The following FSTL4 variants were observed in gnomAD, a reference collection of about 807,000 sequenced individuals.
FSTL4 encodes the protein follistatin-related protein 4.
Under a neutral mutation model 78.2 loss-of-function variants are expected in FSTL4, and 28 were observed. The observed-to-expected ratio is 0.36, with a 90% confidence interval of 0.27 to 0.49. FSTL4 has a LOEUF of 0.49. Among genes scored for constraint, FSTL4 ranks in the 20% least tolerant of loss-of-function variants. The pLI, the probability that FSTL4 is intolerant of heterozygous loss-of-function variation, is 0.98. For synonymous variants in FSTL4, 422 were observed against 440.5 expected (o/e 0.96, Z 0.53); for missense variants, 922 against 1,084.9 (o/e 0.85, Z 2.11).
chr5:133,437,982 A>G (rs113674106), intron 3 of FSTL4, among the ~76,000 whole-genome samples: 3 of 152,184 alleles, frequency 2.0e-5, no homozygotes, highest in Non-Finnish European at 4.4e-5. Context: ...TGGAATTTAT[A>G]GCTACTGAAT....
chr5:133,428,716 A>G (rs1756878272), intron 3 of FSTL4, among the ~76,000 whole-genome samples: 1 of 152,196 alleles, frequency 6.6e-6, no homozygotes, highest in Admixed American at 6.5e-5. Context: ...TCGACTCCAG[A>G]TATTGAGGGC....
At chr5:133,398,973 T>C (rs1368599842) in intron 4 of FSTL4, among the ~76,000 whole-genome samples, 9 of 152,236 alleles carry the variant, frequency 5.9e-5, no homozygotes. Flanking sequence ...AGCCCTGATC[T>C]GCTCAAGGCT....
At chr5:133,528,468 G>A (rs1338047905) in intron 3 of FSTL4, among the ~76,000 whole-genome samples, 1 of 152,056 alleles carries the variant, frequency 6.6e-6, no homozygotes, top group Non-Finnish European at 1.5e-5. Context: ...CCTTGGGAAG[G>A]ATGTCCTGAC....
chr5:133,240,997 G>A (rs868165002), intron 7 of FSTL4, among the ~76,000 whole-genome samples: 2 of 152,144 alleles, frequency 1.3e-5, no homozygotes, highest in African/African-American at 4.8e-5. Flanking sequence ...GGCTGGGGAC[G>A]AGAGGGCAGC....
intron 15 of FSTL4, among the ~76,000 whole-genome samples, chr5:133,200,346 A>G (rs720622): frequency 0.75 from 114,389 of 152,282 alleles, 43,289 homozygotes; most frequent in African/African-American, 0.83. Context: ...GGAAACATGT[A>G]GGGGCAGTCT....
chr5:133,635,653 T>C, the FSTL4 span, among the ~76,000 whole-genome samples: 2 of 152,062 alleles, frequency 1.3e-5, no homozygotes, highest in African/African-American at 4.8e-5. Context: ...ATCCCAGCTA[T>C]TTGGGAGGCT....
the FSTL4 span, among the ~76,000 whole-genome samples, chr5:133,812,490 G>A: frequency 6.6e-6 from 1 of 152,140 alleles, no homozygotes; most frequent in Non-Finnish European, 1.5e-5. Context: ...GAAGCCTTAG[G>A]GCCTTTGCAC....
intron 3 of FSTL4, among the ~76,000 whole-genome samples, chr5:133,518,648 G>A (rs1444721944): frequency 6.6e-6 from 1 of 152,092 alleles, no homozygotes; most frequent in Non-Finnish European, 1.5e-5. Flanking sequence ...CTATGTTAAG[G>A]ACAAAATTAG....
chr5:133,600,874 G>T (rs1390039519), intron 2 of FSTL4, among the ~76,000 whole-genome samples: 2 of 152,164 alleles, frequency 1.3e-5, no homozygotes, highest in Non-Finnish European at 2.9e-5. Flanking sequence ...TCCTGAAAAA[G>T]GTTTTTCACT....
chr5:133,617,342 A>G (rs1183560591), upstream of FSTL4, among the ~76,000 whole-genome samples: 1 of 151,154 alleles, frequency 6.6e-6, no homozygotes, highest in East Asian at 1.9e-4. Flanking sequence ...GAGGCACCAA[A>G]TGATAGCGAG....
intron 4 of FSTL4, among the ~76,000 whole-genome samples, chr5:133,362,854 T>C (rs1195269697): frequency 6.6e-6 from 1 of 152,278 alleles, no homozygotes; most frequent in African/African-American, 2.4e-5. Flanking sequence ...TTTTAACTCA[T>C]CAATTACTAT....
chr5:133,770,686 A>C, the FSTL4 span, among the ~76,000 whole-genome samples: 1 of 151,924 alleles, frequency 6.6e-6, no homozygotes, highest in Non-Finnish European at 1.5e-5. Flanking sequence ...TACTCTGTTG[A>C]TTGTTTCTTC....
the FSTL4 span, among the ~76,000 whole-genome samples, chr5:133,640,622 T>C: frequency 1.3e-4 from 20 of 152,146 alleles, no homozygotes; most frequent in South Asian, 2.1e-4. Context: ...TGTAGTCTTT[T>C]TTGATTTGTT....
chr5:133,770,168 C>T, the FSTL4 span, among the ~76,000 whole-genome samples: 3 of 152,014 alleles, frequency 2.0e-5, no homozygotes, highest in Non-Finnish European at 4.4e-5. Context: ...CATATCTTTC[C>T]TATTGTGAAT....
At chr5:133,390,354 A>G (rs1450287433) in intron 4 of FSTL4, among the ~76,000 whole-genome samples, 1 of 152,266 alleles carries the variant, frequency 6.6e-6, no homozygotes, top group Non-Finnish European at 1.5e-5. Flanking sequence ...AGAAATGAGC[A>G]CAACAAGAAG....
chr5:133,704,282 G>T, the FSTL4 span, among the ~76,000 whole-genome samples: 1 of 152,324 alleles, frequency 6.6e-6, no homozygotes, highest in African/African-American at 2.4e-5. Context: ...CTAAGAAATT[G>T]TTTTAACAAA....
chr5:133,661,056 G>A, the FSTL4 span, among the ~76,000 whole-genome samples: 2 of 152,136 alleles, frequency 1.3e-5, no homozygotes, highest in Non-Finnish European at 2.9e-5. Flanking sequence ...AATGGCACGA[G>A]CTCAGCTCAT....
chr5:133,543,593 A>G (rs951153885), intron 3 of FSTL4, among the ~76,000 whole-genome samples: 1 of 152,026 alleles, frequency 6.6e-6, no homozygotes, highest in African/African-American at 2.4e-5. Context: ...GTTTCACTTT[A>G]TTATACCTAT....
chr5:133,695,190 T>C, the FSTL4 span, among the ~76,000 whole-genome samples: 1 of 152,272 alleles, frequency 6.6e-6, no homozygotes, highest in Non-Finnish European at 1.5e-5. Flanking sequence ...TCATCATCAA[T>C]GCCATCATAG....
Sources: allele counts gnomAD v4.1 joint callset (sites outside exome capture counted in the v4.1 genomes callset), GRCh38; gene constraint gnomAD v4.1.1; transcripts MANE v1.5; gene names NCBI Gene and HGNC (gene_info 2026-07-23, HGNC 2026-07-21).